The following RBM33 variants were observed in gnomAD, a reference collection of about 807,000 sequenced individuals.
The protein encoded by RBM33 is RNA binding motif protein 33.
In RBM33, 28 loss-of-function variants were observed where a neutral mutation model predicts 132.6. That is an observed-to-expected ratio of 0.21 (90% CI 0.16 to 0.29). The LOEUF (loss-of-function observed/expected upper bound fraction) is 0.29. Among genes scored for constraint, RBM33 ranks in the 10% least tolerant of loss-of-function variants. The pLI is 1.00. For missense variants in RBM33, 1,291 were observed against 1,518.5 expected (o/e 0.85, Z 2.49); for synonymous variants, 634 against 593.0 (o/e 1.07, Z -1.01).
chr7:155,696,932 A>C (rs931385207), intron 5 of RBM33, among the ~76,000 whole-genome samples: 1 of 152,024 alleles, frequency 6.6e-6, no homozygotes, highest in African/African-American at 2.4e-5. Context: ...CGCTTTTTTC[A>C]TGATTAGCTT....
At chr7:155,711,931 C>T (rs910800947) in intron 8 of RBM33, among the ~76,000 whole-genome samples, 4 of 152,240 alleles carry the variant, frequency 2.6e-5, no homozygotes, top group African/African-American at 9.6e-5. Context: ...AAATAGTTTT[C>T]ACATTCAAAT....
At chr7:155,682,112 G>T (rs150370403) in intron 5 of RBM33, among the ~76,000 whole-genome samples, 2 of 151,922 alleles carry the variant, frequency 1.3e-5, no homozygotes, top group Admixed American at 6.6e-5. Flanking sequence ...GTAGAGATGG[G>T]GTTTCCCCAT....
At chr7:155,650,067 C>T (rs1318032089) in intron 1 of RBM33, among the ~76,000 whole-genome samples, 1 of 152,238 alleles carries the variant, frequency 6.6e-6, no homozygotes, top group Admixed American at 6.5e-5. Context: ...CCTCTTCTTT[C>T]CCAGGCTTTT....
intron 1 of RBM33, among the ~76,000 whole-genome samples, chr7:155,662,480 T>C (rs1044976494): frequency 6.6e-6 from 1 of 152,120 alleles, no homozygotes; most frequent in Non-Finnish European, 1.5e-5. Context: ...TTGGAGAGTT[T>C]TGGAGCACTC....
At chr7:155,771,320 TG>T (rs1802419721) in intron 16 of RBM33, among the ~76,000 whole-genome samples, 1 of 152,266 alleles carries the variant, frequency 6.6e-6, no homozygotes. Flanking sequence ...CTTGTCATTT[TG>T]GTAGGTCAAA....
intron 9 of RBM33, among the ~76,000 whole-genome samples, chr7:155,731,404 G>A (rs568601142): frequency 5.3e-5 from 8 of 152,272 alleles, no homozygotes; most frequent in African/African-American, 1.9e-4. Context: ...GAGATGAACA[G>A]CAATAGCTAA....
At chr7:155,739,407 T>C (rs773449170) in intron 11 of RBM33, 6 of 308,510 alleles carry the variant, frequency 1.9e-5, no homozygotes, top group Non-Finnish European at 3.6e-5. Flanking sequence ...TGTATACTGG[T>C]TTCAGTACTT....
chr7:155,766,439 CTGAA>C, intron 15 of RBM33, 24 bp from the exon 16 acceptor site: 1 of 1,609,900 alleles, frequency 6.2e-7, no homozygotes, highest in Non-Finnish European at 8.5e-7. Flanking sequence ...GCTTGAAACT[CTGAA>C]TGTATTTCCT....
At chr7:155,754,642 A>G (rs1261264449) in intron 14 of RBM33, among the ~76,000 whole-genome samples, 1 of 152,222 alleles carries the variant, frequency 6.6e-6, no homozygotes, top group Non-Finnish European at 1.5e-5. Flanking sequence ...TGTTCCTTCA[A>G]AGGTCAGCTA....
intron 13 of RBM33, among the ~76,000 whole-genome samples, chr7:155,743,895 T>G (rs1300504679): frequency 1.3e-5 from 2 of 152,158 alleles, no homozygotes; most frequent in Non-Finnish European, 2.9e-5. Context: ...ACTATCCCCC[T>G]GGACGCCATG....
chr7:155,744,002 T>C (rs993038297), intron 13 of RBM33, among the ~76,000 whole-genome samples: 4 of 152,144 alleles, frequency 2.6e-5, no homozygotes, highest in Admixed American at 2.0e-4. Context: ...AGAACAGAGG[T>C]GGTCGGAATT....
chr7:155,728,536 G>C (rs941483752), intron 9 of RBM33, among the ~76,000 whole-genome samples: 1 of 152,168 alleles, frequency 6.6e-6, no homozygotes, highest in Admixed American at 6.5e-5. Flanking sequence ...CTAAATCTTA[G>C]ATAGCTCTTT....
chr7:155,721,933 T>C (rs1210145244), intron 9 of RBM33, among the ~76,000 whole-genome samples: 2 of 152,194 alleles, frequency 1.3e-5, no homozygotes, highest in Non-Finnish European at 2.9e-5. Context: ...ATCCTTGTTT[T>C]TGATCATTTT....
chr7:155,673,762 A>G (rs141643075), intron 3 of RBM33, among the ~76,000 whole-genome samples: 3,297 of 23,130 alleles, frequency 0.14, 121 homozygotes, highest in Middle Eastern at 0.26. Context: ...ATACGCGCGC[A>G]TGCGCGCACA....
chr7:155,702,790 T>A (rs1038716134), intron 6 of RBM33, among the ~76,000 whole-genome samples: 1 of 152,232 alleles, frequency 6.6e-6, no homozygotes, highest in African/African-American at 2.4e-5. Context: ...GCTTCTTTTG[T>A]TGGGTCTTGT....
At chr7:155,649,983 C>T (rs949871513) in intron 1 of RBM33, among the ~76,000 whole-genome samples, 5 of 152,210 alleles carry the variant, frequency 3.3e-5, no homozygotes, top group Admixed American at 6.5e-5. Flanking sequence ...TCAGCATATG[C>T]ATGGTCTTCC....
chr7:155,735,728 TCTCTCTCTCTCTCC>T (rs1398605935), intron 9 of RBM33, among the ~76,000 whole-genome samples: 7 of 87,072 alleles, frequency 8.0e-5, no homozygotes, highest in African/African-American at 3.3e-4. Flanking sequence ...TGTCTCTCTC[TCTCTCTCTCTCTCC>T]CTCTCTCAGG....
rs183182021 is a variant in RBM33 at position 155,694,371 on chromosome 7, T to A, written c.568-6402T>A. On this transcript the variant is annotated intron_variant, in intron 5 of 17. Transcript: ENST00000401878. ...CATAGTTATTTAAAAAGACTTGCCA[T>A]TTTCACATAGTTTTGGCATGTGTAG... 2.6e-4 allele frequency among the ~76,000 whole-genome samples: 40 copies of A among 152,344 alleles called. No individual in the cohort carries two copies. The East Asian group carries it at 7.3e-3, about 28-fold the overall frequency.
At chr7:155,739,690 G>A (rs367930862) in intron 11 of RBM33, 25 bp from the exon 12 acceptor site, 2 of 1,528,098 alleles carry the variant, frequency 1.3e-6, no homozygotes, top group African/African-American at 2.8e-5. Flanking sequence ...ATGAACTGTT[G>A]TTTCTCTTTC....
Sources: gnomAD v4.1 joint callset for allele counts (sites outside exome capture counted in the v4.1 genomes callset) on GRCh38, gnomAD v4.1.1 for gene constraint, MANE v1.5 for transcripts, NCBI Gene and HGNC (gene_info 2026-07-23, HGNC 2026-07-21) for gene names.